KDM2B: variants seen among roughly 807,000 people sequenced by gnomAD.
KDM2B encodes the protein lysine-specific demethylase 2B.
In KDM2B, 26 loss-of-function variants were observed where a neutral mutation model predicts 150.0. That is an observed-to-expected ratio of 0.17 (90% CI 0.13 to 0.24). The LOEUF is 0.24. KDM2B is among the 10% of genes least tolerant of loss of function. KDM2B has a pLI of 1.00. For missense variants in KDM2B, 1,265 were observed against 1,816.9 expected, an observed-to-expected ratio of 0.70 and a Z score of 5.52; for synonymous variants, 734 against 729.5, an observed-to-expected ratio of 1.01 and a Z score of -0.10.
rs1214290299 is a variant in KDM2B, at chr12:121,448,859, C to T, written c.1960-3441G>A. Among the ~76,000 whole-genome samples the T allele has an allele frequency of 7.9e-5, 12 of 152,254 alleles. No homozygotes were observed. In the East Asian group the frequency reaches 1.9e-3, roughly 24 times the overall value. ...ATTTGGGAAGACAAAGACATTAAGT[C>T]GCTGAAATCCAAAGAAAACATGGAA... On this transcript the variant is annotated intron_variant, in intron 13 of 22. Transcript: ENST00000377071.
In KDM2B at chr12:121,549,720, G is replaced by A. The variant is rs1342651263; in HGVS notation, c.398-82C>T. On this transcript the variant is annotated intron_variant, in intron 4 of 22. Coordinates refer to ENST00000377071, the MANE Select transcript of KDM2B (RefSeq NM_032590.5). The surrounding 1 kb of genome is among the most constrained non-coding windows in gnomAD (Gnocchi z 4.4). ...CATGGGAGCCCCTCACTAAACAAAA[G>A]CTGCTCCTCCACGTTTCCCCACAGT... is the stretch of plus-strand genomic sequence containing the variant. 1.5e-6 allele frequency: 2 copies of A among 1,319,226 alleles called. No individual in the cohort carries two copies. The highest frequency in any genetic ancestry group is 2.1e-6 in the Non-Finnish European group (2 of 964,134). The allele number at this position is 1,319,226 out of a possible 1,614,324, so 81.7% of individuals were successfully genotyped here.
intron 12 of KDM2B, among the ~76,000 whole-genome samples, chr12:121,477,864 C>A (rs554012176): frequency 4.0e-5 from 6 of 151,728 alleles, no homozygotes; most frequent in Non-Finnish European, 8.8e-5. Flanking sequence ...AGGTGTGAGC[C>A]ATCGTGCCCA....
Position 121,446,198 on chromosome 12 carries a change from A to G in KDM2B, c.1960-780T>C, listed in dbSNP as rs1434570664. 5.3e-5 allele frequency among the ~76,000 whole-genome samples: 8 copies of G among 152,158 alleles called. No individual in the cohort carries two copies. In the East Asian group the frequency reaches 1.5e-3, roughly 29 times the overall value. On this transcript the variant is annotated intron_variant, in intron 13 of 22. Transcript: ENST00000377071. ...ATCACAAGGTCAGGAGATCGAGACC[A>G]TCCCGGCTACCACGGTGAAACCCCG... is the stretch of plus-strand genomic sequence containing the variant.
chr12:121,536,672 T>C (rs1184462001), intron 6 of KDM2B, among the ~76,000 whole-genome samples: 9 of 151,996 alleles, frequency 5.9e-5, no homozygotes, highest in African/African-American at 1.4e-4. Context: ...TTTTTTTTTT[T>C]TTTCTTTTTT....
chr12:121,453,376 G>A lies in KDM2B; in HGVS notation c.1735-32C>T, dbSNP rs549548906. ...GGGAACAGACACGACTGGTCAGATGGGGAGACTGCAGGCACGGCCAGACCC... is the reference window on the plus strand; with the variant it reads ...GGGAACAGACACGACTGGTCAGATGAGGAGACTGCAGGCACGGCCAGACCC... On this transcript the variant is annotated intron_variant, in intron 12 of 22. Transcript: ENST00000377071. The surrounding 1 kb of genome is among the most constrained non-coding windows in gnomAD (Gnocchi z 6.4). The A allele has an allele frequency of 2.7e-5, 41 of 1,514,930 alleles. No homozygotes were observed. The African/African-American group carries it at 4.3e-4, about 16-fold the overall frequency. 93.8% of individuals were successfully genotyped at this position (1,514,930 alleles called of 1,614,324 possible).
intron 3 of KDM2B, 151 bp from the exon 4 acceptor site, chr12:121,574,744 G>T: frequency 1.5e-6 from 1 of 688,202 alleles, no homozygotes; most frequent in Non-Finnish European, 2.5e-6. Flanking sequence ...GAGAGAAGTA[G>T]ACCAGTTGAT....
intron 9 of KDM2B, chr12:121,516,620 G>T: frequency 9.9e-7 from 1 of 1,013,632 alleles, no homozygotes; most frequent in Non-Finnish European, 1.4e-6. Flanking sequence ...CAAAAGGCAA[G>T]GCAGTCACAA....
chr12:121,473,180 T>C (rs1393240904), intron 12 of KDM2B, among the ~76,000 whole-genome samples: 1 of 151,474 alleles, frequency 6.6e-6, no homozygotes, highest in African/African-American at 2.4e-5. Flanking sequence ...CACTTGAGGT[T>C]AGGAGTTCGA....
chr12:121,415,810 A>C, the KDM2B span, among the ~76,000 whole-genome samples: 1 of 151,076 alleles, frequency 6.6e-6, no homozygotes, highest in Admixed American at 6.6e-5. Flanking sequence ...GCATATCCCA[A>C]ATATACCACA....
At chr12:121,545,913 C>T (rs1331806833) in intron 6 of KDM2B, among the ~76,000 whole-genome samples, 1 of 151,298 alleles carries the variant, frequency 6.6e-6, no homozygotes, top group African/African-American at 2.4e-5. Flanking sequence ...CATCCCAAGT[C>T]GACTACACAC....
rs147237686 is a variant in KDM2B, at chr12:121,441,348, G to A, written c.3285-115C>T. Reference sequence around the variant, plus strand: ...CCTCTGGGAGGCTCCTTAACTCAGCGCTCTGGACCCTTCTCTATGTAGCAC... The same window carrying A: ...CCTCTGGGAGGCTCCTTAACTCAGCACTCTGGACCCTTCTCTATGTAGCAC... On this transcript the variant is annotated intron_variant, in intron 19 of 22. Transcript: ENST00000377071. 1.0e-3 allele frequency: 1,006 copies of A among 974,732 alleles called. 15 individuals are homozygous for A. The East Asian group carries it at 0.021, about 20-fold the overall frequency. 60.4% of individuals were successfully genotyped at this position (974,732 alleles called of 1,614,324 possible). A position where few individuals can be genotyped will look rare whatever the true frequency, so the allele number is the denominator to read the frequency against.
chr12:121,433,085 T>C, intron 22 of KDM2B: 1 of 452,036 alleles, frequency 2.2e-6, no homozygotes, highest in East Asian at 7.0e-5. Flanking sequence ...CTTTTCTGAG[T>C]TGTCTTTGGG....
At chr12:121,445,024 C>T (rs782070345) in intron 14 of KDM2B, 1 of 509,958 alleles carries the variant, frequency 2.0e-6, no homozygotes, top group Non-Finnish European at 3.5e-6. Flanking sequence ...TCTGCTGAGG[C>T]TCTGGAAACC....
At chr12:121,482,109 T>G (rs1882219249) in intron 12 of KDM2B, among the ~76,000 whole-genome samples, 1 of 152,062 alleles carries the variant, frequency 6.6e-6, no homozygotes, top group Non-Finnish European at 1.5e-5. Context: ...CTCAGCCAGC[T>G]GAGCAGGTTA....
In KDM2B at chr12:121,532,898, G is replaced by A; in HGVS notation, c.839C>T (p.Ser280Leu). 1 of 1,614,240 alleles carries A rather than the reference G, an allele frequency of 6.2e-7. No individual in the cohort carries two copies. Among genetic ancestry groups the A allele is most frequent in the Non-Finnish European group, 8.5e-7 (1 of 1,180,046 alleles). Residue 280 changes from serine to leucine, a missense_variant, in exon 8 of 23, where the codon TCA (serine) becomes TTA (leucine). Physicochemically the swap from Ser to Leu is moderately radical, Grantham distance 145 (BLOSUM62 -2). Around this residue, in one of 11 missense-constraint regions of KDM2B, gnomAD observed 214 missense variants for 447.4 expected, o/e 0.48. Coordinates refer to ENST00000377071, the MANE Select transcript of KDM2B (RefSeq NM_032590.5). ...NLALYEEWVLSGKQSDIFLGD... is the reference protein window; with the variant it reads ...NLALYEEWVLLGKQSDIFLGD... ...CAGAAAGATGTCACTCTGTTTGCCT[G>A]ACAGCACCCACTCCTCGTACAGCGC... is the stretch of plus-strand genomic sequence containing the variant.
At chr12:121,578,988 G>C in intron 1 of KDM2B, 42 bp from the exon 2 acceptor site, 1 of 1,586,812 alleles carries the variant, frequency 6.3e-7, no homozygotes, top group African/African-American at 1.3e-5. Context: ...ATTATTGTGG[G>C]GGCTGGAGGT....
intron 12 of KDM2B, chr12:121,470,241 AG>A (rs1880626883): frequency 6.6e-6 from 1 of 152,336 alleles, no homozygotes; most frequent in African/African-American, 2.4e-5. Context: ...TCTGAATTTA[AG>A]GAAGTAAAAA....
chr12:121,525,514 G>C (rs1001399652), intron 8 of KDM2B, among the ~76,000 whole-genome samples: 2 of 152,210 alleles, frequency 1.3e-5, no homozygotes, highest in Non-Finnish European at 1.5e-5. Flanking sequence ...AAAGTGCTAA[G>C]TGCTGGGATT....
intron 1 of KDM2B, chr12:121,579,794 AC>A: frequency 2.5e-6 from 3 of 1,198,838 alleles, no homozygotes; most frequent in Non-Finnish European, 3.4e-6. Flanking sequence ...CCCCGATACC[AC>A]CTCCCCACTT....
Sources: allele counts gnomAD v4.1 joint callset (sites outside exome capture counted in the v4.1 genomes callset), GRCh38; gene constraint gnomAD v4.1.1; regional missense constraint gnomAD v4.1.1; non-coding constraint Gnocchi (gnomAD v3.1); transcripts MANE v1.5; gene names NCBI Gene and HGNC (gene_info 2026-07-23, HGNC 2026-07-21).